The following ABCA6 variants were observed in gnomAD, a reference collection of about 807,000 sequenced individuals.
ABCA6 encodes ATP-binding cassette sub-family A member 6.
Under a neutral mutation model 191.2 loss-of-function variants are expected in ABCA6, and 164 were observed. That is an observed-to-expected ratio of 0.86 (90% CI 0.76 to 0.98). The LOEUF is 0.98. ABCA6 is among the 50% of genes least tolerant of loss of function. ABCA6 has a pLI of 0.00. For synonymous variants in ABCA6, 636 were observed against 647.7 expected (o/e 0.98, Z 0.27); for missense variants, 1,958 against 1,894.1 (o/e 1.03, Z -0.63).
chr17:69,103,256 C>A (rs1349499686), intron 20 of ABCA6, among the ~76,000 whole-genome samples: 1 of 152,084 alleles, frequency 6.6e-6, no homozygotes, highest in Admixed American at 6.5e-5. Context: ...ACAACAACAA[C>A]AACATTTGAA....
In ABCA6 at chr17:69,087,649, A is replaced by C. The variant is rs184144820; in HGVS notation, c.3699-176T>G. 5.4e-4 allele frequency: 424 copies of C among 789,434 alleles called. 4 individuals are homozygous for C. In the East Asian group the frequency reaches 9.8e-3, roughly 18 times the overall value. 48.9% of individuals were successfully genotyped at this position (789,434 alleles called of 1,614,324 possible). A position where few individuals can be genotyped will look rare whatever the true frequency, so the allele number is the denominator to read the frequency against. The stretch of plus-strand genomic sequence containing the variant: ...CAAGAACTCCTGTCCCACTAGCCAG[A>C]ATCCTTTTCTTAATGTTGTTGCCAT... On this transcript the variant is annotated intron_variant, in intron 28 of 38. Transcript: ENST00000284425.
chr17:69,132,408 A>G (rs890332458), intron 6 of ABCA6, among the ~76,000 whole-genome samples: 3 of 152,180 alleles, frequency 2.0e-5, no homozygotes, highest in African/African-American at 4.8e-5. Context: ...TATGATTTGC[A>G]TTCCTATCTG....
chr17:69,093,013 A>G (rs986430778), intron 25 of ABCA6, among the ~76,000 whole-genome samples: 1 of 152,202 alleles, frequency 6.6e-6, no homozygotes, highest in Non-Finnish European at 1.5e-5. Flanking sequence ...ACTGAAATCA[A>G]GATGTGTTCA....
At chr17:69,087,617 CT>C (rs1239950787) in intron 28 of ABCA6, 144 bp from the exon 29 acceptor site, 1 of 1,135,298 alleles carries the variant, frequency 8.8e-7, no homozygotes, top group African/African-American at 1.6e-5. Context: ...ATTGCTTCTG[CT>C]TTTGCCAAGA....
chr17:69,088,295 G>T, intron 27 of ABCA6, 37 bp from the exon 28 acceptor site: 1 of 1,430,558 alleles, frequency 7.0e-7, no homozygotes, highest in Admixed American at 2.1e-5. Flanking sequence ...TTAGGCATAA[G>T]TTCACAAATA....
chr17:69,141,416 G>T (rs542281438), intron 1 of ABCA6, among the ~76,000 whole-genome samples: 30 of 151,854 alleles, frequency 2.0e-4, no homozygotes, highest in Non-Finnish European at 3.5e-4. Context: ...TAAATCACAC[G>T]GGAAAGTAAT....
chr17:69,093,501 T>A (rs938638594), intron 25 of ABCA6, among the ~76,000 whole-genome samples: 5 of 152,198 alleles, frequency 3.3e-5, no homozygotes, highest in Admixed American at 3.3e-4. Flanking sequence ...AAGATGCAAG[T>A]CATGGCATAA....
At chr17:69,136,272 T>A in intron 3 of ABCA6, 22 bp from the exon 4 acceptor site, 1 of 1,461,260 alleles carries the variant, frequency 6.8e-7, no homozygotes, top group South Asian at 1.5e-5. Flanking sequence ...AAGGTAAAAA[T>A]AGACATAGAA....
At chr17:69,131,449 C>A (rs551969054) in intron 6 of ABCA6, among the ~76,000 whole-genome samples, 2 of 152,206 alleles carry the variant, frequency 1.3e-5, no homozygotes, top group East Asian at 3.9e-4. Context: ...ATTGAAAAAA[C>A]ACAGGATATG....
Position 69,128,760 on chromosome 17 carries a change from G to A in ABCA6, c.978C>T (p.Val326=). Residue 326 remains valine (V), a synonymous_variant, in exon 8 of 39, where the codon GTC becomes GTT. Transcript: ENST00000284425. The part of the protein sequence containing the change: ...FLMSVLLKKA[V]LTNLVVFLLT... ...GGAGAAACACAACCAAATTGGTGAG[G>A]ACAGCTTTCTTTAACAGCACACTCA... 1 of 1,610,740 alleles carries A rather than the reference G, an allele frequency of 6.2e-7. No homozygotes were observed. The highest frequency in any genetic ancestry group is 2.2e-5 in the East Asian group (1 of 44,728).
At chr17:69,105,669 T>C in intron 19 of ABCA6, 41 bp from the exon 20 acceptor site, 1 of 1,347,574 alleles carries the variant, frequency 7.4e-7, no homozygotes, top group Non-Finnish European at 1.0e-6. Flanking sequence ...TCTCCAGGAA[T>C]TTTATTTATT....
chr17:69,091,030 C>G (rs1476358044), intron 26 of ABCA6, 113 bp downstream of exon 26: 3 of 1,077,618 alleles, frequency 2.8e-6, no homozygotes, highest in Non-Finnish European at 3.9e-6. Flanking sequence ...ATCTCTTATG[C>G]CCATTTGCTG....
At chr17:69,094,424 T>C (rs2073001393) in intron 25 of ABCA6, 1 of 152,378 alleles carries the variant, frequency 6.6e-6, no homozygotes, top group African/African-American at 2.4e-5. Flanking sequence ...CTTATTGTTT[T>C]GGAAGATTCT....
intron 27 of ABCA6, 55 bp downstream of exon 27, chr17:69,089,410 T>C (rs748926844): frequency 1.3e-5 from 19 of 1,508,168 alleles, no homozygotes; most frequent in Non-Finnish European, 1.7e-5. Context: ...CAAATTGTTA[T>C]AGTGAATGAC....
At chr17:69,139,952 T>C (rs1205107114) in intron 2 of ABCA6, among the ~76,000 whole-genome samples, 1 of 31,172 alleles carries the variant, frequency 3.2e-5, no homozygotes. Flanking sequence ...TGTTGTGGGA[T>C]GGGGGGAGGG....
chr17:69,084,022 C>G (rs879094518), intron 34 of ABCA6, among the ~76,000 whole-genome samples: 1 of 152,168 alleles, frequency 6.6e-6, no homozygotes, highest in Non-Finnish European at 1.5e-5. Flanking sequence ...TGTATTTTAA[C>G]AGTCCACATT....
intron 14 of ABCA6, 82 bp from the exon 15 acceptor site, chr17:69,113,442 C>T: frequency 6.6e-7 from 1 of 1,516,402 alleles, no homozygotes; most frequent in South Asian, 1.2e-5. Context: ...ACAATAAATA[C>T]CATAAAATAA....
chr17:69,137,380 A>T lies in ABCA6; in HGVS notation c.217T>A (p.Ser73Thr). ...GGTGTATACACAACCATTAAAGAAG[A>T]GCTATTAAATTTATCTACCCTTCCC... is the stretch of plus-strand genomic sequence containing the variant. ...NLGRVDKFNS[S>T]SLMVVYTPIS... The change falls in exon 3 of 39, where the codon TCT becomes ACT. Residue 73 changes from serine to threonine, a missense_variant. Transcript: ENST00000284425. 1 of 1,613,710 alleles carries T rather than the reference A, an allele frequency of 6.2e-7. No individual in the cohort carries two copies. The highest frequency in any genetic ancestry group is 8.5e-7 in the Non-Finnish European group (1 of 1,179,764).
intron 2 of ABCA6, 136 bp downstream of exon 2, chr17:69,140,472 C>A: frequency 4.6e-6 from 2 of 433,786 alleles, no homozygotes; most frequent in Non-Finnish European, 8.0e-6. Flanking sequence ...TCTCTCAATT[C>A]AACAAATACA....
Sources: gnomAD v4.1 joint callset for allele counts (sites outside exome capture counted in the v4.1 genomes callset) on GRCh38, gnomAD v4.1.1 for gene constraint, MANE v1.5 for transcripts, NCBI Gene and HGNC (gene_info 2026-07-23, HGNC 2026-07-21) for gene names.